Variants in TPM3 observed in about 807,000 individuals in gnomAD.
TPM3 encodes the protein tropomyosin alpha-3 chain.
TPM3 carries 16 observed loss-of-function variants against 43.1 expected under a neutral mutation model. The observed-to-expected ratio is 0.37, with a 90% CI of 0.25 to 0.56. The LOEUF is 0.56. Ranked by LOEUF, TPM3 falls within the 20% of genes least tolerant of loss-of-function variation. The pLI, the probability that TPM3 is intolerant of heterozygous loss-of-function variation, is 0.77. For synonymous variants in TPM3, 101 were observed against 116.9 expected (o/e 0.86, Z 0.88); for missense variants, 176 against 337.2 (o/e 0.52, Z 3.74).
chr1:154,171,559 C>T, intron 5 of TPM3, 71 bp from the exon 6 acceptor site: 1 of 1,528,640 alleles, frequency 6.5e-7, no homozygotes, highest in South Asian at 1.1e-5. Flanking sequence ...GAGAGAGACA[C>T]ATAGACGTGA....
At chr1:154,171,669 G>C in intron 5 of TPM3, 181 bp from the exon 6 acceptor site, 1 of 720,094 alleles carries the variant, frequency 1.4e-6, no homozygotes, top group Non-Finnish European at 2.4e-6. Flanking sequence ...ACCATAGAAC[G>C]TGTCAGGAGC....
chr1:154,156,642 C>G (rs1296335913), downstream of TPM3: 2 of 196,046 alleles, frequency 1.0e-5, no homozygotes, highest in African/African-American at 4.6e-5. Flanking sequence ...GGCCAGGGTG[C>G]CACAAACCCA....
At chr1:154,183,782 G>A (rs1480089173) in intron 2 of TPM3, 1 of 156,984 alleles carries the variant, frequency 6.4e-6, no homozygotes, top group Non-Finnish European at 1.4e-5. Context: ...GGATGGGCAA[G>A]ATGGCACAAA....
chr1:154,172,858 G>C (rs1477333548), intron 5 of TPM3, 50 bp downstream of exon 5: 4 of 1,605,768 alleles, frequency 2.5e-6, no homozygotes, highest in African/African-American at 1.3e-5. Flanking sequence ...CCAAGCCAAA[G>C]GGGAAGGGAT....
At chr1:154,185,583 G>A (rs897062760) in intron 2 of TPM3, among the ~76,000 whole-genome samples, 7 of 149,366 alleles carry the variant, frequency 4.7e-5, no homozygotes, top group Admixed American at 2.0e-4. Flanking sequence ...AGTAGCAGGC[G>A]CCTGTAATCC....
At chr1:154,183,312 C>G in intron 2 of TPM3, 2 of 1,480,388 alleles carry the variant, frequency 1.4e-6, no homozygotes, top group Non-Finnish European at 1.8e-6. Flanking sequence ...GAGGGAGAGC[C>G]GCGGCAGGGA....
At chr1:154,168,044 A>T (rs1211488292) in intron 9 of TPM3, 104 bp from the exon 10 acceptor site, 35 of 1,533,584 alleles carry the variant, frequency 2.3e-5, no homozygotes, top group African/African-American at 4.1e-5. Context: ...TGGCAGCAGG[A>T]ATAATAAAAG....
intron 2 of TPM3, among the ~76,000 whole-genome samples, chr1:154,180,924 A>G (rs1403087402): frequency 7.0e-6 from 1 of 143,880 alleles, no homozygotes; most frequent in Non-Finnish European, 1.5e-5. Context: ...GTCTCCATCT[A>G]AAAAAAAAAA....
downstream of TPM3, among the ~76,000 whole-genome samples, chr1:154,158,218 G>T (rs1447638446): frequency 6.6e-6 from 1 of 152,244 alleles, no homozygotes; most frequent in East Asian, 1.9e-4. Context: ...ATAAAAGGGC[G>T]CTCACAGTTA....
rs745782085 is a variant in TPM3 at position 154,167,438 on chromosome 1, G to A, written c.*499C>T. The A allele has an allele frequency of 9.3e-7, 1 of 1,072,262 alleles. No homozygotes were observed. Among genetic ancestry groups the A allele is most frequent in the African/African-American group, 1.6e-5 (1 of 61,132 alleles). 66.4% of individuals were successfully genotyped at this position (1,072,262 alleles called of 1,614,324 possible). On this transcript the variant is annotated 3_prime_UTR_variant, in exon 10 of 10. Coordinates refer to ENST00000651641, the MANE Select transcript of TPM3 (RefSeq NM_152263.4). Reference sequence around the variant, plus strand: ...CCACACCAAAGGAGGAATACCTGAAGAGAGAATGGAAACACTGCAGGCAGG... The same window carrying A: ...CCACACCAAAGGAGGAATACCTGAAAAGAGAATGGAAACACTGCAGGCAGG...
chr1:154,171,153 T>C, intron 6 of TPM3: 2 of 594,416 alleles, frequency 3.4e-6, no homozygotes, highest in Non-Finnish European at 6.0e-6. Flanking sequence ...TTAGGGCCCT[T>C]GATTATTGCT....
chr1:154,172,523 G>C (rs1270305678), intron 5 of TPM3: 7 of 491,936 alleles, frequency 1.4e-5, no homozygotes, highest in Non-Finnish European at 2.0e-5. Context: ...ATACTAAGTA[G>C]CTGGGACTAC....
In TPM3 at chr1:154,192,085, G is replaced by A. The variant is rs1278136087; in HGVS notation, c.-67C>T. 2 of 1,402,782 alleles carry A rather than the reference G, an allele frequency of 1.4e-6. No homozygotes were observed. Among genetic ancestry groups the A allele is most frequent in the African/African-American group, 2.8e-5 (2 of 70,796 alleles). 86.9% of individuals were successfully genotyped at this position (1,402,782 alleles called of 1,614,324 possible). A position where few individuals can be genotyped will look rare whatever the true frequency, so the allele number is the denominator to read the frequency against. On this transcript the variant is annotated 5_prime_UTR_variant, in exon 1 of 10. Transcript: ENST00000651641. ...ACTGGAGACTGGGGCAAGAAAGAAGGGGCTGCTGCCTGAGTGACCAGGAGG... is the reference window on the plus strand; with the variant it reads ...ACTGGAGACTGGGGCAAGAAAGAAGAGGCTGCTGCCTGAGTGACCAGGAGG...
chr1:154,181,318 C>A (rs1662916720), intron 2 of TPM3, among the ~76,000 whole-genome samples: 1 of 152,156 alleles, frequency 6.6e-6, no homozygotes, highest in Non-Finnish European at 1.5e-5. Flanking sequence ...CAATTACCAT[C>A]CTTTTCTGAA....
At chr1:154,168,656 G>A (rs929593887) in intron 9 of TPM3, among the ~76,000 whole-genome samples, 3 of 151,692 alleles carry the variant, frequency 2.0e-5, no homozygotes, top group East Asian at 1.9e-4. Context: ...CGAGTAGTTG[G>A]GATTATAGAC....
At chr1:154,180,035 A>C (rs967469835) in intron 2 of TPM3, among the ~76,000 whole-genome samples, 3 of 152,244 alleles carry the variant, frequency 2.0e-5, no homozygotes, top group Non-Finnish European at 4.4e-5. Flanking sequence ...GAGATAAGGA[A>C]AAAGACTGCA....
chr1:154,170,818 C>T (rs1036326233), intron 6 of TPM3, 107 bp from the exon 7 acceptor site: 4 of 821,900 alleles, frequency 4.9e-6, no homozygotes, highest in Non-Finnish European at 8.4e-6. Flanking sequence ...ACTAAATGTG[C>T]TGAATGGTCC....
At chr1:154,187,521 T>G (rs1484766898) in intron 2 of TPM3, 2 of 984,408 alleles carry the variant, frequency 2.0e-6, no homozygotes, top group East Asian at 1.1e-4. Context: ...TGGATTCCTA[T>G]GTAAATATGA....
downstream of TPM3, chr1:154,157,479 G>A (rs1659925166): frequency 1.4e-6 from 1 of 740,376 alleles, no homozygotes; most frequent in Non-Finnish European, 2.5e-6. Context: ...GGCAGAGACA[G>A]TTTGGCGAAA....
Sources: allele counts gnomAD v4.1 joint callset (sites outside exome capture counted in the v4.1 genomes callset), GRCh38; gene constraint gnomAD v4.1.1; transcripts MANE v1.5; gene names NCBI Gene and HGNC (gene_info 2026-07-23, HGNC 2026-07-21).